PPP1R16B: variants seen among roughly 807,000 people sequenced by gnomAD.
PPP1R16B encodes the protein protein phosphatase 1 regulatory inhibitor subunit 16B.
A neutral mutation model predicts 61.7 loss-of-function variants in PPP1R16B; 14 were observed. That is an observed-to-expected ratio of 0.23 (90% CI 0.15 to 0.35). The LOEUF (loss-of-function observed/expected upper bound fraction) is 0.35. PPP1R16B is among the 10% of genes least tolerant of loss of function. PPP1R16B has a pLI of 1.00. For missense variants in PPP1R16B, 547 were observed against 752.5 expected, an observed-to-expected ratio of 0.73 and a Z score of 3.19; for synonymous variants, 266 against 305.3, an observed-to-expected ratio of 0.87 and a Z score of 1.34.
At chr20:38,902,869 G>GTA in intron 6 of PPP1R16B, 77 bp downstream of exon 6, 1 of 1,594,750 alleles carries the variant, frequency 6.3e-7, no homozygotes, top group Non-Finnish European at 8.6e-7. Context: ...GACCAACCCT[G>GTA]TACCCTTGGG....
chr20:38,846,132 T>C (rs921244224), intron 2 of PPP1R16B, among the ~76,000 whole-genome samples: 8 of 151,974 alleles, frequency 5.3e-5, no homozygotes, highest in African/African-American at 1.9e-4. Flanking sequence ...GAGAATTGAG[T>C]TCTATAGGAC....
At chr20:38,887,412 A>G (rs2085254010) in intron 2 of PPP1R16B, among the ~76,000 whole-genome samples, 2 of 152,216 alleles carry the variant, frequency 1.3e-5, no homozygotes, top group African/African-American at 4.8e-5. Flanking sequence ...CAGGGCTCAC[A>G]TCACGCAAGA....
intron 2 of PPP1R16B, among the ~76,000 whole-genome samples, chr20:38,879,956 G>A (rs566316232): frequency 3.3e-4 from 50 of 152,348 alleles, no homozygotes; most frequent in African/African-American, 1.2e-3. Flanking sequence ...ACAAGGAAAA[G>A]TCTGTGGCCC....
chr20:38,824,767 G>A lies in PPP1R16B; in HGVS notation c.-101-11058G>A, dbSNP rs374497146. On this transcript the variant is annotated intron_variant, in intron 1 of 10. Transcript: ENST00000299824. The stretch of plus-strand genomic sequence containing the variant: ...ATCCCAGGCTGGGCATGGCGGCCAC[G>A]CCTGTAATCCCAGCACTTTGTGAGG... Among the ~76,000 whole-genome samples, 9 of 152,354 alleles carry A rather than the reference G, an allele frequency of 5.9e-5. No homozygotes were observed. The East Asian group carries it at 1.7e-3, about 29-fold the overall frequency.
At chr20:38,847,591 A>G (rs1270669756) in intron 2 of PPP1R16B, among the ~76,000 whole-genome samples, 1 of 152,180 alleles carries the variant, frequency 6.6e-6, no homozygotes, top group East Asian at 1.9e-4. Context: ...TCCTGACCTC[A>G]GGTGATCTGC....
intron 2 of PPP1R16B, among the ~76,000 whole-genome samples, chr20:38,873,375 C>T (rs1023323751): frequency 2.6e-5 from 4 of 152,146 alleles, no homozygotes; most frequent in Non-Finnish European, 5.9e-5. Context: ...TTTGAGACCA[C>T]TTCCTCCTGT....
chr20:38,820,257 G>C (rs991010330), intron 1 of PPP1R16B, among the ~76,000 whole-genome samples: 1 of 152,166 alleles, frequency 6.6e-6, no homozygotes, highest in South Asian at 2.1e-4. Flanking sequence ...GCCTTTTAGC[G>C]AATGTATACA....
chr20:38,860,316 G>T (rs1347920564), intron 2 of PPP1R16B, among the ~76,000 whole-genome samples: 1 of 152,144 alleles, frequency 6.6e-6, no homozygotes, highest in East Asian at 1.9e-4. Flanking sequence ...TGGTCAGGCT[G>T]GTCTCAAACT....
intron 10 of PPP1R16B, among the ~76,000 whole-genome samples, chr20:38,917,297 A>G (rs1180100848): frequency 5.0e-5 from 5 of 100,698 alleles, no homozygotes; most frequent in Non-Finnish European, 9.1e-5. Context: ...CTCCGTCTCA[A>G]AAAAAAAAAA....
intron 2 of PPP1R16B, among the ~76,000 whole-genome samples, chr20:38,852,775 G>T: frequency 7.3e-6 from 1 of 136,200 alleles, no homozygotes; most frequent in Non-Finnish European, 1.6e-5. Flanking sequence ...TTTTGCGGGG[G>T]GTGGGGGTAG....
chr20:38,809,903 C>T (rs192615233), intron 1 of PPP1R16B, among the ~76,000 whole-genome samples: 77 of 131,298 alleles, frequency 5.9e-4, no homozygotes, highest in African/African-American at 1.9e-3. Flanking sequence ...ATCACCTGAA[C>T]GGGGGAAGTG....
At chr20:38,889,178 G>A (rs1276822816) in intron 2 of PPP1R16B, among the ~76,000 whole-genome samples, 1 of 152,168 alleles carries the variant, frequency 6.6e-6, no homozygotes, top group African/African-American at 2.4e-5. Context: ...GCTACTGTGA[G>A]GAGGATGAAC....
At chr20:38,844,794 G>T (rs1459525285) in intron 2 of PPP1R16B, among the ~76,000 whole-genome samples, 1 of 152,182 alleles carries the variant, frequency 6.6e-6, no homozygotes, top group East Asian at 1.9e-4. Flanking sequence ...TACACCATCA[G>T]TGCAAATGTC....
chr20:38,851,072 G>A (rs1370614374), intron 2 of PPP1R16B, among the ~76,000 whole-genome samples: 2 of 152,096 alleles, frequency 1.3e-5, no homozygotes, highest in East Asian at 3.8e-4. Context: ...CAACTACTGG[G>A]AATAGTTGTG....
Position 38,818,690 on chromosome 20 carries a change from C to T in PPP1R16B, c.-102+12898C>T, listed in dbSNP as rs117829712. Among the ~76,000 whole-genome samples, 1,400 of 151,842 alleles carry T rather than the reference C, an allele frequency of 9.2e-3. 21 individuals are homozygous for T. Among genetic ancestry groups the T allele is most frequent in the South Asian group, 0.019 (90 of 4,802 alleles). On this transcript the variant is annotated intron_variant, in intron 1 of 10. Coordinates refer to ENST00000299824, the MANE Select transcript of PPP1R16B (RefSeq NM_015568.4). The stretch of plus-strand genomic sequence containing the variant: ...CAAAGGCTCAGTTAACTCCTGCAGT[C>T]AAGTGCTGTCTGGGCAGGCAGTTAT...
At chr20:38,869,825 A>AC (rs2085114640) in intron 2 of PPP1R16B, among the ~76,000 whole-genome samples, 2 of 147,290 alleles carry the variant, frequency 1.4e-5, no homozygotes, top group South Asian at 2.2e-4. Flanking sequence ...CAGTTCATTA[A>AC]CCCCCTCCCC....
At chr20:38,908,269 C>T in intron 10 of PPP1R16B, 76 bp downstream of exon 10, 1 of 1,557,162 alleles carries the variant, frequency 6.4e-7, no homozygotes, top group Non-Finnish European at 8.7e-7. Flanking sequence ...GGCCTTGCCT[C>T]TTCAACTGAG....
At chr20:38,866,128 G>GA (rs200013890) in intron 2 of PPP1R16B, among the ~76,000 whole-genome samples, 3,599 of 148,784 alleles carry the variant, frequency 0.024, 61 homozygotes, top group African/African-American at 0.047. Context: ...TTGTCTCGGA[G>GA]AAAAAAAAAA....
intron 2 of PPP1R16B, among the ~76,000 whole-genome samples, chr20:38,888,843 C>T (rs1380945167): frequency 1.3e-5 from 2 of 150,108 alleles, no homozygotes; most frequent in Non-Finnish European, 3.0e-5. Flanking sequence ...CAATGCTGTT[C>T]ACTCTGGCCT....
Sources: gnomAD v4.1 joint callset for allele counts (sites outside exome capture counted in the v4.1 genomes callset) on GRCh38, gnomAD v4.1.1 for gene constraint, MANE v1.5 for transcripts, NCBI Gene and HGNC (gene_info 2026-07-23, HGNC 2026-07-21) for gene names.